The following KIF27 variants were observed in gnomAD, a reference collection of about 807,000 sequenced individuals.
KIF27 encodes kinesin-like protein KIF27.
Under a neutral mutation model 141.8 loss-of-function variants are expected in KIF27, and 84 were observed. That is an observed-to-expected ratio of 0.59 (90% CI 0.50 to 0.71). KIF27 has a LOEUF of 0.71. Ranked by LOEUF, KIF27 falls within the 30% of genes least tolerant of loss-of-function variation. The pLI is 0.00. For missense variants in KIF27, 1,306 were observed against 1,628.4 expected, an observed-to-expected ratio of 0.80 and a Z score of 3.41; for synonymous variants, 471 against 569.5, an observed-to-expected ratio of 0.83 and a Z score of 2.46.
At chr9:83,848,498 C>A (rs1172924900) in intron 16 of KIF27, 1 of 140,240 alleles carries the variant, frequency 7.1e-6, no homozygotes, top group African/African-American at 2.6e-5. Context: ...ATGTATATAT[C>A]TATATATAGC....
At position 83,908,456 on chromosome 9, in the gene KIF27, G is replaced by GT. The variant is rs1404121974; in HGVS notation, c.494dup (p.Asn165LysfsTer17). ...TGATTAAGTGTGCTACTTTACCTGT[G>GT]TTTCCTTTTTCATCTTCTCGGATGT... On this transcript the variant is annotated frameshift_variant, in exon 3 of 18. Transcript: ENST00000297814. LOFTEE classifies it high-confidence loss of function. 1 of 1,599,242 alleles carries GT rather than the reference G, an allele frequency of 6.3e-7. No homozygotes were observed. The highest frequency in any genetic ancestry group is 1.7e-5 in the Admixed American group (1 of 59,112).
intron 9 of KIF27, 53 bp from the exon 10 acceptor site, chr9:83,884,071 A>T: frequency 8.0e-7 from 1 of 1,247,154 alleles, no homozygotes; most frequent in South Asian, 1.5e-5. Context: ...AAGAAGTTAA[A>T]CATCCAAAAC....
In KIF27 at chr9:83,883,861, T is replaced by A. The variant is rs779242004; in HGVS notation, c.2397A>T (p.Leu799Phe). The A allele has an allele frequency of 3.4e-5, 55 of 1,613,262 alleles. No individual in the cohort carries two copies. Among genetic ancestry groups the A allele is most frequent in the Non-Finnish European group, 4.6e-5 (54 of 1,179,486 alleles). The change falls in exon 10 of 18, where the codon TTA (leucine) becomes TTT (phenylalanine). Residue 799 changes from leucine (L) to phenylalanine (F), a missense_variant. Coordinates refer to ENST00000297814, the MANE Select transcript of KIF27 (RefSeq NM_017576.4). ...CCATCTTTTTACGAAACTCTTTCTG[T>A]AATTTTACCTTCATTGCAACATCAG... ...DLSDVAMKVKLQKEFRKKMDA... is the reference protein window; with the variant it reads ...DLSDVAMKVKFQKEFRKKMDA...
At position 83,870,702 on chromosome 9, in the gene KIF27, A is replaced by C. The variant is rs374733901; in HGVS notation, c.2644-70T>G. On this transcript the variant is annotated intron_variant, in intron 11 of 17. Transcript: ENST00000297814. Reference sequence around the variant, plus strand: ...ACCATTAAGTATGCTGATGACAATTATTTTCTTTTTTTTTTTTTTTTTTTT... The same window carrying C: ...ACCATTAAGTATGCTGATGACAATTCTTTTCTTTTTTTTTTTTTTTTTTTT... The C allele has an allele frequency of 6.2e-5, 76 of 1,216,338 alleles. No individual in the cohort carries two copies. The African/African-American group carries it at 7.7e-4, about 12-fold the overall frequency. The allele number at this position is 1,216,338 out of a possible 1,614,324, so 75.3% of individuals were successfully genotyped here.
intron 4 of KIF27, among the ~76,000 whole-genome samples, chr9:83,901,112 C>T (rs1448526189): frequency 6.6e-6 from 1 of 152,070 alleles, no homozygotes; most frequent in Non-Finnish European, 1.5e-5. Flanking sequence ...GCGTATGCCA[C>T]CATGCCTGGC....
At chr9:83,918,065 T>TA (rs1216680578) in intron 1 of KIF27, among the ~76,000 whole-genome samples, 1 of 152,028 alleles carries the variant, frequency 6.6e-6, no homozygotes, top group Non-Finnish European at 1.5e-5. Context: ...AAAAAATAAG[T>TA]AAGACCCAGC....
At position 83,888,526 on chromosome 9, in the gene KIF27, A is replaced by T. The variant is rs776575351; in HGVS notation, c.2046T>A (p.Thr682=). ...AATCTGACTTTTGTGTTTCATCCTG[A>T]GTATCACTCAATTCAACAAGGGAAC... ...SVCSLVELSD[T]QDETQKSDLE... is the part of the protein sequence containing the mutation. Residue 682 remains threonine (T), a synonymous_variant, in exon 8 of 18, where the codon ACT becomes ACA. Transcript: ENST00000297814. 6.3e-7 allele frequency: 1 copy of T among 1,598,472 alleles called. No individual in the cohort carries two copies. The highest frequency in any genetic ancestry group is 1.7e-4 in the Middle Eastern group (1 of 6,018).
intron 12 of KIF27, chr9:83,868,092 T>C (rs1950513926): frequency 2.4e-6 from 1 of 424,002 alleles, no homozygotes; most frequent in East Asian, 4.2e-5. Flanking sequence ...TGTTAAACAG[T>C]CTAGGATTTT....
intron 11 of KIF27, among the ~76,000 whole-genome samples, chr9:83,871,257 C>T (rs536801676): frequency 1.8e-4 from 28 of 152,200 alleles, no homozygotes; most frequent in South Asian, 8.3e-4. Context: ...TGTACATTTT[C>T]GTGAGGTACA....
intron 5 of KIF27, among the ~76,000 whole-genome samples, chr9:83,892,734 T>C (rs1952800078): frequency 6.6e-6 from 1 of 152,124 alleles, no homozygotes; most frequent in African/African-American, 2.4e-5. Flanking sequence ...CATGTAAATA[T>C]TAATCAAAAG....
chr9:83,880,791 A>G (rs977286851), intron 10 of KIF27, among the ~76,000 whole-genome samples: 2 of 152,240 alleles, frequency 1.3e-5, no homozygotes, highest in Non-Finnish European at 2.9e-5. Flanking sequence ...AATTTAAAAA[A>G]TAGTTAAAAC....
At chr9:83,877,693 A>G (rs1189051737) in intron 11 of KIF27, among the ~76,000 whole-genome samples, 2 of 152,320 alleles carry the variant, frequency 1.3e-5, no homozygotes, top group South Asian at 2.1e-4. Flanking sequence ...TTTGCATATC[A>G]AAGGATATTA....
intron 15 of KIF27, among the ~76,000 whole-genome samples, chr9:83,850,634 T>C (rs1353644200): frequency 6.6e-6 from 1 of 150,956 alleles, no homozygotes; most frequent in Non-Finnish European, 1.5e-5. Context: ...ATATATAAAA[T>C]TAGCTGGGTG....
At chr9:83,848,454 ATATC>A (rs932172572) in intron 16 of KIF27, among the ~76,000 whole-genome samples, 15 of 139,914 alleles carry the variant, frequency 1.1e-4, no homozygotes, top group South Asian at 2.1e-4. Flanking sequence ...CTATATGTAT[ATATC>A]TATATCTATA....
intron 11 of KIF27, among the ~76,000 whole-genome samples, chr9:83,877,286 T>A (rs566083772): frequency 5.7e-4 from 86 of 152,146 alleles, no homozygotes; most frequent in Non-Finnish European, 1.1e-3. Context: ...TCTCTAGACT[T>A]ATTTATTCTA....
At chr9:83,876,365 A>C (rs1951204126) in intron 11 of KIF27, among the ~76,000 whole-genome samples, 1 of 152,244 alleles carries the variant, frequency 6.6e-6, no homozygotes, top group Non-Finnish European at 1.5e-5. Context: ...TAAAGAGGTA[A>C]AATACTACTG....
In KIF27 at chr9:83,915,378, G is replaced by A; in HGVS notation, c.214C>T (p.Leu72Phe). 1 of 1,613,822 alleles carries A rather than the reference G, an allele frequency of 6.2e-7. No homozygotes were observed. Among genetic ancestry groups the A allele is most frequent in the Non-Finnish European group, 8.5e-7 (1 of 1,179,824 alleles). The change falls in exon 2 of 18, where the codon CTC (leucine) becomes TTC (phenylalanine). Residue 72 changes from leucine (L) to phenylalanine (F), a missense_variant. Around this residue, in one of 4 missense-constraint regions of KIF27, gnomAD observed 533 missense variants for 565.6 expected, o/e 0.94. Transcript: ENST00000297814. Reference protein sequence around the residue: ...NTCIKPLVLSLIEGYNATVFA... With the variant: ...NTCIKPLVLSFIEGYNATVFA... ...ACAGTTGCATTATAGCCCTCAATGA[G>A]TGACAACACTAGGGGCTTTATACAT...
chr9:83,858,893 T>C lies in KIF27; in HGVS notation c.3150+263A>G, dbSNP rs560289899. On this transcript the variant is annotated intron_variant, in intron 14 of 17. Coordinates refer to ENST00000297814, the MANE Select transcript of KIF27 (RefSeq NM_017576.4). ...GAAACCCCAGCTGAGGAGGCAAATA[T>C]ACTCAAGGAAAGTAATAGTTTCCAA... 96 of 471,280 alleles carry C rather than the reference T, an allele frequency of 2.0e-4. No individual in the cohort carries two copies. The South Asian group carries it at 2.6e-3, about 13-fold the overall frequency. The allele number at this position is 471,280 out of a possible 1,614,324, so 29.2% of individuals were successfully genotyped here.
rs35101423 is a variant in KIF27, at chr9:83,847,006, C to T, written c.3556+3093G>A. On this transcript the variant is annotated intron_variant, in intron 16 of 17. Coordinates refer to ENST00000297814, the MANE Select transcript of KIF27 (RefSeq NM_017576.4). ...AAGAAATACAGGAGATCCATTAGGG[C>T]GTCGCTTAGTATTACCATGCTCTGT... is the stretch of plus-strand genomic sequence containing the variant. Among the ~76,000 whole-genome samples, 614 of 152,164 alleles carry T rather than the reference C, an allele frequency of 4.0e-3. 5 individuals are homozygous for T. The highest frequency in any genetic ancestry group is 0.014 in the African/African-American group (585 of 41,518).
Sources: gnomAD v4.1 joint callset for allele counts (sites outside exome capture counted in the v4.1 genomes callset) on GRCh38, gnomAD v4.1.1 for gene constraint, gnomAD v4.1.1 regional missense constraint, MANE v1.5 for transcripts, NCBI Gene and HGNC (gene_info 2026-07-23, HGNC 2026-07-21) for gene names.